The following EXT2 variants were observed in gnomAD, a reference collection of about 807,000 sequenced individuals.
EXT2 encodes the protein exostosin-2.
Under a neutral mutation model 81.6 loss-of-function variants are expected in EXT2, and 53 were observed. The observed-to-expected ratio is 0.65, with a 90% CI of 0.52 to 0.82. The LOEUF is 0.82. EXT2 is among the 40% of genes least tolerant of loss of function. EXT2 has a pLI of 0.00. For missense variants in EXT2, 774 were observed against 910.2 expected, an observed-to-expected ratio of 0.85 and a Z score of 1.93; for synonymous variants, 320 against 340.0, an observed-to-expected ratio of 0.94 and a Z score of 0.65.
At chr11:44,096,952 T>A (rs149033553) in intron 1 of EXT2, among the ~76,000 whole-genome samples, 3 of 152,318 alleles carry the variant, frequency 2.0e-5, no homozygotes, top group African/African-American at 7.2e-5. Flanking sequence ...AAATAGATGA[T>A]TCAGTTTCCA....
chr11:44,236,158 G>A (rs1955961653), intron 12 of EXT2, 135 bp from the exon 13 acceptor site: 2 of 709,964 alleles, frequency 2.8e-6, no homozygotes, highest in Admixed American at 2.1e-5. Context: ...GGAATGGCGA[G>A]GTGTGTGTGT....
chr11:44,223,009 C>A (rs1955798735), intron 10 of EXT2, among the ~76,000 whole-genome samples: 1 of 152,152 alleles, frequency 6.6e-6, no homozygotes, highest in Non-Finnish European at 1.5e-5. Flanking sequence ...AGAGGATATA[C>A]AGGTGGCAAA....
At chr11:44,208,897 C>A (rs1408593103) in intron 10 of EXT2, among the ~76,000 whole-genome samples, 1 of 152,156 alleles carries the variant, frequency 6.6e-6, no homozygotes, top group African/African-American at 2.4e-5. Flanking sequence ...ATCAGTGGTC[C>A]TCAGAAGTAG....
At chr11:44,178,417 G>T (rs1442171423) in intron 8 of EXT2, among the ~76,000 whole-genome samples, 2 of 152,118 alleles carry the variant, frequency 1.3e-5, no homozygotes, top group Non-Finnish European at 2.9e-5. Flanking sequence ...TCTTAACCCT[G>T]CGGGGCTTGG....
chr11:44,205,430 G>T (rs937080406), intron 9 of EXT2, among the ~76,000 whole-genome samples: 1 of 152,214 alleles, frequency 6.6e-6, no homozygotes, highest in African/African-American at 2.4e-5. Flanking sequence ...TGTTGATATT[G>T]ATGAAAAGGC....
Position 44,249,938 on chromosome 11 carries a change from C to G in EXT2, c.*5651C>G, listed in dbSNP as rs1956125789. On this transcript the variant is annotated 3_prime_UTR_variant, in exon 14 of 14. Transcript: ENST00000533608. ...ACAAAGAATTAGCCGGGCATAGTGG[C>G]AGGCACCTGTAGCCCCAGCTACTCG... 6.6e-6 allele frequency among the ~76,000 whole-genome samples: 1 copy of G among 152,146 alleles called. No individual in the cohort carries two copies. Among genetic ancestry groups the G allele is most frequent in the Admixed American group, 6.5e-5 (1 of 15,282 alleles).
chr11:44,096,111 C>T, intron 1 of EXT2: 1 of 781,842 alleles, frequency 1.3e-6, no homozygotes, highest in Admixed American at 2.0e-5. Flanking sequence ...ATCTTGGTAC[C>T]CACCTGTTCT....
At chr11:44,197,547 G>A (rs1380474602) in intron 8 of EXT2, among the ~76,000 whole-genome samples, 3 of 152,128 alleles carry the variant, frequency 2.0e-5, no homozygotes, top group Non-Finnish European at 4.4e-5. Context: ...TATTGGGTTT[G>A]GGGAGAGAAT....
chr11:44,242,187 G>T (rs1366594444), intron 13 of EXT2, among the ~76,000 whole-genome samples: 5 of 152,210 alleles, frequency 3.3e-5, no homozygotes, highest in African/African-American at 1.2e-4. Flanking sequence ...GCTGGGCTTT[G>T]CCGGCCAGAG....
chr11:44,169,829 A>AT (rs1555012484), intron 7 of EXT2, among the ~76,000 whole-genome samples: 1 of 151,978 alleles, frequency 6.6e-6, no homozygotes, highest in African/African-American at 2.4e-5. Context: ...TTTAGCTTTG[A>AT]TTTTTTGGAT....
At position 44,234,229 on chromosome 11, in the gene EXT2, A is replaced by C. The variant is rs773705067; in HGVS notation, c.1921A>C (p.Lys641Gln). The C allele has an allele frequency of 2.5e-6, 4 of 1,613,980 alleles. No individual in the cohort carries two copies. Among genetic ancestry groups the C allele is most frequent in the Admixed American group, 1.7e-5 (1 of 60,000 alleles). The part of the protein sequence containing the change: ...MNFLVANVTG[K>Q]AVIKVTPRKK... ...CTTCCTGGTGGCCAACGTCACGGGA[A>C]AAGCAGTTATCAAGGTAGGAGGCTC... The change falls in exon 12 of 14, where the codon AAA becomes CAA. Residue 641 changes from lysine (K) to glutamine (Q), a missense_variant. Physicochemically the swap from Lys to Gln is moderately conservative, Grantham distance 53. This residue lies in a region of EXT2 where 148 missense variants were observed against 239.7 expected (regional missense o/e 0.62). Coordinates refer to ENST00000533608, the MANE Select transcript of EXT2 (RefSeq NM_207122.2).
intron 7 of EXT2, among the ~76,000 whole-genome samples, chr11:44,165,815 A>G (rs2135115523): frequency 6.6e-6 from 1 of 152,292 alleles, no homozygotes; most frequent in African/African-American, 2.4e-5. Flanking sequence ...TACACCTTTC[A>G]GTTTCTTGAA....
At chr11:44,177,014 C>A (rs575394296) in intron 8 of EXT2, among the ~76,000 whole-genome samples, 1 of 151,620 alleles carries the variant, frequency 6.6e-6, no homozygotes, top group Non-Finnish European at 1.5e-5. Flanking sequence ...TGCTTTGTCA[C>A]TCTTATCTGT....
intron 8 of EXT2, among the ~76,000 whole-genome samples, chr11:44,195,156 C>T (rs544481209): frequency 4.9e-4 from 74 of 152,160 alleles, no homozygotes; most frequent in Non-Finnish European, 8.5e-4. Context: ...CTTTCCTGGC[C>T]GGGCGCGGTG....
intron 7 of EXT2, among the ~76,000 whole-genome samples, chr11:44,140,959 T>C (rs1040330901): frequency 1.5e-4 from 23 of 152,232 alleles, no homozygotes; most frequent in African/African-American, 5.5e-4. Context: ...GTCAAACATA[T>C]ATAGCTGTTG....
At chr11:44,125,482 T>G (rs191976857) in intron 5 of EXT2, among the ~76,000 whole-genome samples, 98 of 152,262 alleles carry the variant, frequency 6.4e-4, no homozygotes, top group African/African-American at 2.3e-3. Context: ...GTCAGTAGCA[T>G]GTCCTTTATT....
At chr11:44,172,708 C>T (rs1271791857) in intron 8 of EXT2, among the ~76,000 whole-genome samples, 2 of 151,966 alleles carry the variant, frequency 1.3e-5, no homozygotes, top group Admixed American at 1.3e-4. Context: ...CTCAGCCTCC[C>T]CAGTAGCTGG....
At chr11:44,155,037 A>C (rs1347482866) in intron 7 of EXT2, among the ~76,000 whole-genome samples, 1 of 151,848 alleles carries the variant, frequency 6.6e-6, no homozygotes, top group Middle Eastern at 3.2e-3. Context: ...GTTTGCAGAT[A>C]TTTTCTCCCA....
intron 5 of EXT2, among the ~76,000 whole-genome samples, chr11:44,126,403 A>G (rs1459500280): frequency 6.6e-6 from 1 of 152,250 alleles, no homozygotes; most frequent in Non-Finnish European, 1.5e-5. Flanking sequence ...AAATTCCCAG[A>G]CAAAATAATT....
Sources: gnomAD v4.1 joint callset for allele counts (sites outside exome capture counted in the v4.1 genomes callset) on GRCh38, gnomAD v4.1.1 for gene constraint, gnomAD v4.1.1 regional missense constraint, MANE v1.5 for transcripts, NCBI Gene and HGNC (gene_info 2026-07-23, HGNC 2026-07-21) for gene names.